Variants in TMPRSS7 observed in about 807,000 individuals in gnomAD.
The protein encoded by TMPRSS7 is transmembrane protease serine 7.
Under a neutral mutation model 95.6 loss-of-function variants are expected in TMPRSS7, and 81 were observed. The ratio of observed to expected loss-of-function variants is 0.85; its 90% CI spans 0.71 to 1.02. TMPRSS7 has a LOEUF of 1.02. TMPRSS7 is among the 50% of genes least tolerant of loss of function. The pLI, the probability that TMPRSS7 is intolerant of heterozygous loss-of-function variation, is 0.00. For synonymous variants in TMPRSS7, 364 were observed against 337.8 expected, an observed-to-expected ratio of 1.08 and a Z score of -0.85; for missense variants, 945 against 955.2, an observed-to-expected ratio of 0.99 and a Z score of 0.14.
intron 13 of TMPRSS7, 127 bp from the exon 14 acceptor site, chr3:112,074,169 A>C: frequency 1.5e-6 from 1 of 645,586 alleles, no homozygotes; most frequent in Non-Finnish European, 2.7e-6. Context: ...CATTTATCCC[A>C]GAGCAGCAAA....
chr3:112,068,915 A>ATGC (rs2073609149), intron 13 of TMPRSS7, among the ~76,000 whole-genome samples: 1 of 152,162 alleles, frequency 6.6e-6, no homozygotes, highest in Non-Finnish European at 1.5e-5. Flanking sequence ...TTCAAAGGGA[A>ATGC]TGCTTCCAAT....
At chr3:112,076,467 T>C (rs1282416750) in intron 15 of TMPRSS7, among the ~76,000 whole-genome samples, 1 of 152,242 alleles carries the variant, frequency 6.6e-6, no homozygotes, top group African/African-American at 2.4e-5. Flanking sequence ...ATCTTGGTAT[T>C]CATATCATTT....
intron 6 of TMPRSS7, 106 bp downstream of exon 6, chr3:112,047,118 G>A (rs775590419): frequency 4.5e-6 from 3 of 669,892 alleles, no homozygotes; most frequent in South Asian, 1.7e-5. Context: ...TTAATTGCAA[G>A]TGACAGAAAT....
At chr3:112,061,511 A>G (rs1488092478) in intron 10 of TMPRSS7, among the ~76,000 whole-genome samples, 1 of 152,210 alleles carries the variant, frequency 6.6e-6, no homozygotes, top group Non-Finnish European at 1.5e-5. Context: ...AACTGGGAGA[A>G]TTAAATCCAT....
exon 18 of TMPRSS7, chr3:112,081,162 C>G (rs1170044419): frequency 9.8e-6 from 14 of 1,426,294 alleles, no homozygotes; most frequent in Admixed American, 6.3e-5. Context: ...GCTGGGTGCG[C>G]TGGCTCACAC....
In TMPRSS7 at chr3:112,050,658, G is replaced by A. The variant is rs759091821; in HGVS notation, c.1091-13G>A. ...GCTGCAAATCATTGTGTGTCACTGG[G>A]TATCTTTTCCAGAGTGTGAAAACAC... On this transcript the variant is annotated splice_polypyrimidine_tract_variant and intron_variant, in intron 8 of 17. Transcript: ENST00000452346. 5.3e-6 allele frequency: 8 copies of A among 1,504,060 alleles called. No individual in the cohort carries two copies. Among genetic ancestry groups the A allele is most frequent in the Non-Finnish European group, 7.2e-6 (8 of 1,104,908 alleles). The allele number at this position is 1,504,060 out of a possible 1,614,324, so 93.2% of individuals were successfully genotyped here.
At chr3:112,037,580 T>C (rs562206428) in intron 1 of TMPRSS7, among the ~76,000 whole-genome samples, 2 of 152,282 alleles carry the variant, frequency 1.3e-5, no homozygotes, top group South Asian at 4.1e-4. Context: ...TTTATTGCCT[T>C]TGAAGCACGT....
At chr3:112,037,456 C>T (rs2073157751) in intron 1 of TMPRSS7, among the ~76,000 whole-genome samples, 1 of 152,164 alleles carries the variant, frequency 6.6e-6, no homozygotes, top group South Asian at 2.1e-4. Context: ...ACCCTGTTTC[C>T]TGCTAAGATG....
At chr3:112,038,234 T>C in exon 2 of TMPRSS7, 1 of 702,984 alleles carries the variant, frequency 1.4e-6, no homozygotes, top group Non-Finnish European at 2.6e-6. Context: ...AGTTCCCTTT[T>C]GGAATGTACA....
chr3:112,066,534 C>A, intron 13 of TMPRSS7, 32 bp downstream of exon 13: 1 of 1,591,622 alleles, frequency 6.3e-7, no homozygotes, highest in East Asian at 2.2e-5. Context: ...CCTGCTGTTC[C>A]TCCTATGAAA....
At chr3:112,057,223 C>T in intron 10 of TMPRSS7, 92 bp downstream of exon 10, 1 of 912,194 alleles carries the variant, frequency 1.1e-6, no homozygotes, top group Non-Finnish European at 1.7e-6. Context: ...TGCGCTTTAC[C>T]ATTTACAGTT....
chr3:112,062,143 A>G (rs928113604), intron 11 of TMPRSS7, among the ~76,000 whole-genome samples: 2 of 151,934 alleles, frequency 1.3e-5, no homozygotes, highest in Non-Finnish European at 2.9e-5. Flanking sequence ...GAATTATTAA[A>G]GAAATAATAT....
chr3:112,041,889 C>T lies in TMPRSS7; in HGVS notation c.299-31C>T. 19 of 1,402,412 alleles carry T rather than the reference C, an allele frequency of 1.4e-5. No homozygotes were observed. The South Asian group carries it at 1.6e-4, about 12-fold the overall frequency. The allele number at this position is 1,402,412 out of a possible 1,614,324, so 86.9% of individuals were successfully genotyped here. On this transcript the variant is annotated intron_variant, in intron 2 of 17. Coordinates refer to ENST00000452346, the Ensembl canonical transcript of TMPRSS7. ...CCTTACTGCCACACAGATGGGAAAG[C>T]CTCCGAATCTTGTTCTTTCCTATTT...
chr3:112,061,271 T>A (rs149365994), intron 10 of TMPRSS7, among the ~76,000 whole-genome samples: 1 of 152,168 alleles, frequency 6.6e-6, no homozygotes. Context: ...TAGGGAAATA[T>A]TGGAGACGGA....
intron 2 of TMPRSS7, among the ~76,000 whole-genome samples, chr3:112,040,765 G>A (rs1159088944): frequency 6.6e-6 from 1 of 152,188 alleles, no homozygotes; most frequent in Non-Finnish European, 1.5e-5. Context: ...TACAAGCAAA[G>A]GGAGACTGGT....
At chr3:112,074,469 G>T (rs191454) in intron 14 of TMPRSS7, 57 bp downstream of exon 14, 817,182 of 1,325,382 alleles carry the variant, frequency 0.62, 253,277 homozygotes, top group Middle Eastern at 0.69. Context: ...TTACCTGTTT[G>T]TTATATTTTC....
rs1307913274 is a variant in TMPRSS7 at position 112,043,350 on chromosome 3, CATT to C, written c.430-904_430-902del. On this transcript the variant is annotated intron_variant, in intron 3 of 17. Transcript: ENST00000452346. ...GACTACTGTCATATATGTGGTCTGT[CATT>C]GACCAAAATGTCATGTGGCATATGA... is the stretch of plus-strand genomic sequence containing the variant. Among the ~76,000 whole-genome samples the C allele has an allele frequency of 6.6e-5, 10 of 152,174 alleles. No individual in the cohort carries two copies. The South Asian group carries it at 1.9e-3, about 28-fold the overall frequency.
chr3:112,041,848 C>T (rs573176682), intron 2 of TMPRSS7, 72 bp from the exon 3 acceptor site: 2 of 1,002,942 alleles, frequency 2.0e-6, no homozygotes, highest in Non-Finnish European at 1.5e-6. Context: ...CTCATACTGA[C>T]ATAGCTCAGA....
In TMPRSS7 at chr3:112,068,563, G is replaced by A. The variant is rs140600926; in HGVS notation, c.1666+2061G>A. ...ACATCCCTTGTAAGCTGGATTCCTA[G>A]GTATTTTATTCTCTTTGTAGCAATT... On this transcript the variant is annotated intron_variant, in intron 13 of 17. Transcript: ENST00000452346. Among the ~76,000 whole-genome samples the A allele has an allele frequency of 4.1e-3, 629 of 152,252 alleles. 5 individuals are homozygous for A. Among genetic ancestry groups the A allele is most frequent in the African/African-American group, 0.014 (582 of 41,530 alleles).
Sources: gnomAD v4.1 joint callset for allele counts (sites outside exome capture counted in the v4.1 genomes callset) on GRCh38, gnomAD v4.1.1 for gene constraint, MANE v1.5 for transcripts, NCBI Gene and HGNC (gene_info 2026-07-23, HGNC 2026-07-21) for gene names.